Variants in IGF1R observed in about 807,000 individuals in gnomAD.
The protein encoded by IGF1R is insulin like growth factor 1 receptor.
In IGF1R, 44 loss-of-function variants were observed where a neutral mutation model predicts 144.6. The ratio of observed to expected loss-of-function variants is 0.30; its 90% CI spans 0.24 to 0.39. IGF1R has a LOEUF of 0.39. IGF1R is among the 10% of genes least tolerant of loss of function. IGF1R has a pLI of 1.00. For synonymous variants in IGF1R, 795 were observed against 722.8 expected, an observed-to-expected ratio of 1.10 and a Z score of -1.60; for missense variants, 1,355 against 1,833.7, an observed-to-expected ratio of 0.74 and a Z score of 4.77.
At chr15:98,794,508 A>C (rs1021971193) in intron 2 of IGF1R, among the ~76,000 whole-genome samples, 2 of 152,206 alleles carry the variant, frequency 1.3e-5, no homozygotes, top group African/African-American at 4.8e-5. Context: ...ATGATTCTCC[A>C]GGATGGCCCC....
intron 2 of IGF1R, among the ~76,000 whole-genome samples, chr15:98,784,974 G>A (rs550545471): frequency 2.0e-4 from 31 of 152,224 alleles, no homozygotes; most frequent in African/African-American, 7.2e-4. Context: ...CTAGATTTTC[G>A]ACAACTTGAA....
chr15:98,828,516 T>C (rs1022083894), intron 2 of IGF1R, among the ~76,000 whole-genome samples: 1 of 152,148 alleles, frequency 6.6e-6, no homozygotes, highest in African/African-American at 2.4e-5. Context: ...GTAGTGGCCT[T>C]GGGAAACCGT....
At chr15:98,836,402 C>T (rs1322813821) in intron 2 of IGF1R, among the ~76,000 whole-genome samples, 1 of 151,720 alleles carries the variant, frequency 6.6e-6, no homozygotes, top group Non-Finnish European at 1.5e-5. Context: ...TGGCTGTAGT[C>T]TCAGCTACTT....
chr15:98,689,481 C>T (rs2141228904), intron 1 of IGF1R, among the ~76,000 whole-genome samples: 2 of 152,116 alleles, frequency 1.3e-5, no homozygotes, highest in South Asian at 4.1e-4. Context: ...CCTGCCTTGG[C>T]CTCCCAAAGT....
chr15:98,717,989 G>A (rs2054161194), intron 2 of IGF1R, among the ~76,000 whole-genome samples: 1 of 152,126 alleles, frequency 6.6e-6, no homozygotes, highest in African/African-American at 2.4e-5. Flanking sequence ...TTGTGTATGT[G>A]CGTACCACTT....
At chr15:98,653,906 G>GT (rs1488691754) in intron 1 of IGF1R, among the ~76,000 whole-genome samples, 6 of 152,180 alleles carry the variant, frequency 3.9e-5, no homozygotes, top group Admixed American at 1.3e-4. Context: ...GGTTTCATTT[G>GT]TTTTGTAAGA....
intron 2 of IGF1R, among the ~76,000 whole-genome samples, chr15:98,800,971 C>G (rs1312293847): frequency 6.6e-6 from 1 of 150,902 alleles, no homozygotes; most frequent in Non-Finnish European, 1.5e-5. Context: ...CCTTGTGCAA[C>G]TGTTGGTAAG....
At chr15:98,915,461 C>T (rs1423143341) in intron 8 of IGF1R, among the ~76,000 whole-genome samples, 2 of 152,180 alleles carry the variant, frequency 1.3e-5, no homozygotes, top group African/African-American at 2.4e-5. Flanking sequence ...TGGGCATGCA[C>T]ACTCCTTCAC....
chr15:98,694,007 T>C (rs1418567827), intron 1 of IGF1R, among the ~76,000 whole-genome samples: 2 of 152,234 alleles, frequency 1.3e-5, no homozygotes, highest in African/African-American at 4.8e-5. Flanking sequence ...TTTCTGACTT[T>C]GTCAGCATGC....
At chr15:98,869,958 C>CA (rs1249610956) in intron 2 of IGF1R, among the ~76,000 whole-genome samples, 1 of 152,138 alleles carries the variant, frequency 6.6e-6, no homozygotes, top group African/African-American at 2.4e-5. Context: ...AAGGAGCTTA[C>CA]AATGTGTGCA....
At chr15:98,870,249 A>G (rs919351601) in intron 2 of IGF1R, among the ~76,000 whole-genome samples, 10 of 152,248 alleles carry the variant, frequency 6.6e-5, no homozygotes, top group Non-Finnish European at 1.2e-4. Flanking sequence ...CCTATTAAAC[A>G]GTAACTCCTC....
intron 2 of IGF1R, among the ~76,000 whole-genome samples, chr15:98,856,932 A>G (rs1596364729): frequency 1.3e-5 from 2 of 152,170 alleles, no homozygotes; most frequent in African/African-American, 4.8e-5. Flanking sequence ...TTAAATGTTG[A>G]CTTAGGGAGG....
chr15:98,720,648 AG>A (rs2141280131), intron 2 of IGF1R, among the ~76,000 whole-genome samples: 1 of 152,346 alleles, frequency 6.6e-6, no homozygotes, highest in Admixed American at 6.5e-5. Flanking sequence ...ATAGGGCAGA[AG>A]GAAATAAAGT....
At chr15:98,861,245 C>T (rs766376953) in intron 2 of IGF1R, among the ~76,000 whole-genome samples, 2 of 152,200 alleles carry the variant, frequency 1.3e-5, no homozygotes, top group African/African-American at 2.4e-5. Context: ...AGTTCAATGA[C>T]ATAGTATTTT....
chr15:98,651,091 G>A, intron 1 of IGF1R: 1 of 983,494 alleles, frequency 1.0e-6, no homozygotes, highest in South Asian at 4.7e-5. Flanking sequence ...GGTGAGTAAT[G>A]GTTGCCGAGG....
chr15:98,784,828 G>A (rs1185470531), intron 2 of IGF1R, among the ~76,000 whole-genome samples: 1 of 152,286 alleles, frequency 6.6e-6, no homozygotes, highest in African/African-American at 2.4e-5. Context: ...GAAAGTCTAT[G>A]AGACGATGTG....
At chr15:98,851,028 G>C (rs1360843510) in intron 2 of IGF1R, among the ~76,000 whole-genome samples, 2 of 152,184 alleles carry the variant, frequency 1.3e-5, no homozygotes, top group Non-Finnish European at 2.9e-5. Context: ...TTAACACAGT[G>C]CTACCAAAAC....
chr15:98,904,194 G>C (rs1407188055), intron 5 of IGF1R, among the ~76,000 whole-genome samples: 1 of 151,940 alleles, frequency 6.6e-6, no homozygotes, highest in Non-Finnish European at 1.5e-5. Flanking sequence ...CGGGACTACA[G>C]GCGCTCACCA....
At chr15:98,651,940 G>T (rs142301282) in intron 1 of IGF1R, among the ~76,000 whole-genome samples, 1 of 152,194 alleles carries the variant, frequency 6.6e-6, no homozygotes, top group Non-Finnish European at 1.5e-5. Context: ...AGCCGGGAAG[G>T]TGCTAGACCA....
Sources: allele counts gnomAD v4.1 joint callset (sites outside exome capture counted in the v4.1 genomes callset), GRCh38; gene constraint gnomAD v4.1.1; transcripts MANE v1.5; gene names NCBI Gene and HGNC (gene_info 2026-07-23, HGNC 2026-07-21).